Variants in OGDH observed in about 807,000 individuals in gnomAD.
OGDH encodes the protein 2-oxoglutarate dehydrogenase complex component E1.
In OGDH, 38 loss-of-function variants were observed where a neutral mutation model predicts 116.6. That is an observed-to-expected ratio of 0.33 (90% CI 0.25 to 0.43). OGDH has a LOEUF of 0.43. OGDH is among the 20% of genes least tolerant of loss of function. OGDH has a pLI of 1.00. For missense variants in OGDH, 825 were observed against 1,357.2 expected, an observed-to-expected ratio of 0.61 and a Z score of 6.16; for synonymous variants, 488 against 533.3, an observed-to-expected ratio of 0.92 and a Z score of 1.17.
intron 2 of OGDH, among the ~76,000 whole-genome samples, chr7:44,627,311 A>T (rs1016356842): frequency 1.3e-5 from 2 of 152,218 alleles, no homozygotes; most frequent in Non-Finnish European, 2.9e-5. Flanking sequence ...ATGTTTTTCA[A>T]GGGAGATAAT....
chr7:44,620,930 T>C (rs1315807382), intron 1 of OGDH, among the ~76,000 whole-genome samples: 1 of 152,220 alleles, frequency 6.6e-6, no homozygotes, highest in Non-Finnish European at 1.5e-5. Context: ...TCACAAAAAT[T>C]GTTTAAACAA....
rs1585233792 is a variant in OGDH at position 44,624,290 on chromosome 7, T to C, written c.-27-27T>C. 2.3e-6 allele frequency: 3 copies of C among 1,284,442 alleles called. No homozygotes were observed. In the East Asian group the frequency reaches 7.1e-5, roughly 30 times the overall value. 79.6% of individuals were successfully genotyped at this position (1,284,442 alleles called of 1,614,324 possible). On this transcript the variant is annotated intron_variant, in intron 1 of 22. Transcript: ENST00000222673. ...ACTCATTTTTAAAACCTTTCTTTCTTGTTTTTTTTTTTTTTTTTTTGTACA... is the reference window on the plus strand; with the variant it reads ...ACTCATTTTTAAAACCTTTCTTTCTCGTTTTTTTTTTTTTTTTTTTGTACA...
In OGDH at chr7:44,696,462, T is replaced by C; in HGVS notation, c.1805T>C (p.Met602Thr). 1 of 1,614,216 alleles carries C rather than the reference T, an allele frequency of 6.2e-7. No homozygotes were observed. The highest frequency in any genetic ancestry group is 8.5e-7 in the Non-Finnish European group (1 of 1,180,022). ...ACCCTGGACGGGCAGCCCAGGAGCA[T>C]GTCCTGCCCCTCCACGGGTCTGACG... ...FFTLDGQPRS[M>T]SCPSTGLTED... Residue 602 changes from methionine to threonine, a missense_variant, in exon 14 of 23, where the codon ATG becomes ACG. Around this residue, in one of 7 missense-constraint regions of OGDH, gnomAD observed 92 missense variants for 129.7 expected, o/e 0.71. Transcript: ENST00000222673.
chr7:44,648,437 C>T (rs1786288976), intron 4 of OGDH, among the ~76,000 whole-genome samples: 1 of 152,224 alleles, frequency 6.6e-6, no homozygotes, highest in Admixed American at 6.5e-5. Flanking sequence ...GGGCTCTCAC[C>T]TGCAGTTGCT....
chr7:44,624,694 A>C, intron 2 of OGDH, 129 bp downstream of exon 2: 1 of 769,942 alleles, frequency 1.3e-6, no homozygotes. Flanking sequence ...CATACCAACC[A>C]CCGTATCTGT....
intron 9 of OGDH, among the ~76,000 whole-genome samples, chr7:44,677,531 G>T (rs569868557): frequency 4.1e-4 from 62 of 152,092 alleles, no homozygotes; most frequent in African/African-American, 1.5e-3. Context: ...GGAGGGGCCG[G>T]CCTCCTAGTT....
At chr7:44,631,572 C>T (rs1785441467) in intron 2 of OGDH, among the ~76,000 whole-genome samples, 1 of 152,224 alleles carries the variant, frequency 6.6e-6, no homozygotes, top group Non-Finnish European at 1.5e-5. Context: ...CACAGTATTT[C>T]ACTCTTAAGC....
intron 10 of OGDH, among the ~76,000 whole-genome samples, chr7:44,682,357 C>G (rs1359740232): frequency 6.6e-6 from 1 of 151,158 alleles, no homozygotes; most frequent in African/African-American, 2.4e-5. Flanking sequence ...TGCATTCCAG[C>G]CTGGACAACA....
At position 44,707,433 on chromosome 7, in the gene OGDH, A is replaced by G. The variant is rs1206215303; in HGVS notation, c.2796+45A>G. ...TCAGGGTGTCCCCCCAGCGGGGGTC[A>G]GGGCTCTGGTGCCTTCACAGAACAG... On this transcript the variant is annotated intron_variant, in intron 21 of 22. Coordinates refer to ENST00000222673, the MANE Select transcript of OGDH (RefSeq NM_002541.4). This position sits in a 1 kb window ranked among gnomAD's most constrained non-coding sequence, Gnocchi z 5.2. 6 of 1,610,168 alleles carry G rather than the reference A, an allele frequency of 3.7e-6. No individual in the cohort carries two copies. Among genetic ancestry groups the G allele is most frequent in the Non-Finnish European group, 5.1e-6 (6 of 1,177,734 alleles).
At chr7:44,608,083 C>G (rs1189934193) in intron 1 of OGDH, among the ~76,000 whole-genome samples, 1 of 152,102 alleles carries the variant, frequency 6.6e-6, no homozygotes, top group Admixed American at 6.6e-5. Context: ...ATAAAATTCA[C>G]ATACCATACG....
chr7:44,676,350 G>A (rs1787694208), intron 9 of OGDH: 1 of 1,190,638 alleles, frequency 8.4e-7, no homozygotes, highest in Non-Finnish European at 1.2e-6. Flanking sequence ...GAGTTCGGGA[G>A]TTGGAGACCA....
rs1388322156 is a variant in OGDH at position 44,697,540 on chromosome 7, AC to A, written c.2179+48del. The A allele has an allele frequency of 6.2e-6, 10 of 1,612,628 alleles. No homozygotes were observed. The South Asian group carries it at 9.9e-5, about 16-fold the overall frequency. On this transcript the variant is annotated intron_variant, in intron 16 of 22. Transcript: ENST00000222673. The surrounding 1 kb of genome is among the most constrained non-coding windows in gnomAD (Gnocchi z 6.0). ...CACCACCAGGGCCTGTCACCCACCC[AC>A]CCCCGCTGGGCCTACTGGCTGGTGT... is the stretch of plus-strand genomic sequence containing the variant.
chr7:44,706,158 G>A (rs898035820), intron 20 of OGDH, among the ~76,000 whole-genome samples: 1 of 152,000 alleles, frequency 6.6e-6, no homozygotes, highest in African/African-American at 2.4e-5. Flanking sequence ...GCCCAGGCTG[G>A]TCTCGAACTC....
At chr7:44,660,929 C>G (rs925879333) in intron 4 of OGDH, among the ~76,000 whole-genome samples, 1 of 151,618 alleles carries the variant, frequency 6.6e-6, no homozygotes, top group African/African-American at 2.4e-5. Flanking sequence ...AAACTACACA[C>G]ACACGCGCGT....
In OGDH at chr7:44,707,732, G is replaced by A. The variant is rs777997050; in HGVS notation, c.2947G>A (p.Val983Ile). 33 of 1,614,016 alleles carry A rather than the reference G, an allele frequency of 2.0e-5. No homozygotes were observed. Among genetic ancestry groups the A allele is most frequent in the African/African-American group, 2.7e-5 (2 of 74,932 alleles). Residue 983 changes from valine (V) to isoleucine (I), a missense_variant, in exon 22 of 23, where the codon GTC (valine) becomes ATC (isoleucine). Val to Ile is a conservative substitution (Grantham distance 29). Transcript: ENST00000222673. The surrounding 1 kb of genome is among the most constrained non-coding windows in gnomAD (Gnocchi z 5.2). The part of the protein sequence containing the change: ...LRTTISRAKP[V>I]WYAGRDPAAA... ...GACCACCATCAGCCGCGCCAAGCCC[G>A]TCTGGTAAGGCTTCAGTCCCTGCCA...
chr7:44,697,509 G>T lies in OGDH; in HGVS notation c.2179+12G>T. 3.7e-6 allele frequency: 6 copies of T among 1,613,858 alleles called. No homozygotes were observed. Among genetic ancestry groups the T allele is most frequent in the Non-Finnish European group, 5.1e-6 (6 of 1,179,872 alleles). On this transcript the variant is annotated intron_variant, in intron 16 of 22. Coordinates refer to ENST00000222673, the MANE Select transcript of OGDH (RefSeq NM_002541.4). This position sits in a 1 kb window ranked among gnomAD's most constrained non-coding sequence, Gnocchi z 6.0. ...GTACGGCGTGCTGGGTGAGTGCCTG[G>T]AGCCACACCACCAGGGCCTGTCACC...
chr7:44,706,911 A>T (rs1441327242), intron 20 of OGDH, among the ~76,000 whole-genome samples: 1 of 152,040 alleles, frequency 6.6e-6, no homozygotes, highest in Non-Finnish European at 1.5e-5. Context: ...GGCGTGAGCC[A>T]CCGCACCCGG....
chr7:44,631,412 A>C (rs2115568044), intron 2 of OGDH, among the ~76,000 whole-genome samples: 1 of 152,314 alleles, frequency 6.6e-6, no homozygotes, highest in Admixed American at 6.5e-5. Flanking sequence ...ATTGTACCCA[A>C]TAGGCAATTT....
chr7:44,646,906 C>T (rs1449666360), intron 3 of OGDH, among the ~76,000 whole-genome samples: 2 of 152,120 alleles, frequency 1.3e-5, no homozygotes, highest in Non-Finnish European at 2.9e-5. Flanking sequence ...CAGTTAAGGC[C>T]AACACTTAAG....
Sources: allele counts gnomAD v4.1 joint callset (sites outside exome capture counted in the v4.1 genomes callset), GRCh38; gene constraint gnomAD v4.1.1; regional missense constraint gnomAD v4.1.1; non-coding constraint Gnocchi (gnomAD v3.1); transcripts MANE v1.5; gene names NCBI Gene and HGNC (gene_info 2026-07-23, HGNC 2026-07-21).